The following SYNE1 variants were observed in gnomAD, a reference collection of about 807,000 sequenced individuals.
SYNE1 encodes the protein spectrin repeat containing nuclear envelope protein 1.
Under a neutral mutation model 1,111.0 loss-of-function variants are expected in SYNE1, and 616 were observed. The observed-to-expected ratio is 0.55, with a 90% CI of 0.52 to 0.59. The LOEUF (loss-of-function observed/expected upper bound fraction) is 0.59, where lower values mean the gene tolerates loss of function less well. SYNE1 is among the 20% of genes least tolerant of loss of function. The probability of loss-of-function intolerance (pLI) is 0.00; values close to 1 mark genes in which losing one functional copy is unlikely to be tolerated. For missense variants in SYNE1, 10,006 were observed against 10,417.0 expected (o/e 0.96, Z 1.72); for synonymous variants, 3,855 against 3,825.8 (o/e 1.01, Z -0.28).
intron 4 of SYNE1, among the ~76,000 whole-genome samples, chr6:152,531,997 T>G (rs941342298): frequency 6.6e-6 from 1 of 152,224 alleles, no homozygotes; most frequent in East Asian, 1.9e-4. Flanking sequence ...CTGCTTTCAA[T>G]TTTTGTAGAT....
Position 152,458,754 on chromosome 6 carries a change from C to T in SYNE1, c.2568+3G>A, listed in dbSNP as rs886044477. ...ATTGTCTCCTGAAAAGGATTGTTCT[C>T]ACCTGATGTTTTTGTTTAAAAAGGG... On this transcript the variant is annotated splice_donor_region_variant and intron_variant, in intron 22 of 145. Coordinates refer to ENST00000367255, the MANE Select transcript of SYNE1 (RefSeq NM_182961.4). 4 of 1,613,938 alleles carry T rather than the reference C, an allele frequency of 2.5e-6. No individual in the cohort carries two copies. The highest frequency in any genetic ancestry group is 2.2e-5 in the South Asian group (2 of 91,072).
At chr6:152,481,104 T>C (rs2098893099) in intron 14 of SYNE1, 1 of 224,226 alleles carries the variant, frequency 4.5e-6, no homozygotes, top group Non-Finnish European at 9.0e-6. Context: ...ATAGTGTGCC[T>C]TGAATTAATA....
chr6:152,261,339 T>C (rs1385935116), intron 101 of SYNE1, among the ~76,000 whole-genome samples: 2 of 152,194 alleles, frequency 1.3e-5, no homozygotes, highest in Non-Finnish European at 2.9e-5. Context: ...TCATTTGCCC[T>C]CTAACTTTCT....
chr6:152,159,436 G>T lies in SYNE1; in HGVS notation c.23791-3339C>A, dbSNP rs567510958. ...CCACTGGTGTACAGGACTTTTTAAA[G>T]TCTTAATTTAAAATTTAATTAAAAA... On this transcript the variant is annotated intron_variant, in intron 131 of 145. Transcript: ENST00000367255. Among the ~76,000 whole-genome samples the T allele has an allele frequency of 1.8e-3, 268 of 152,150 alleles. 1 individual carries two copies. Among genetic ancestry groups the T allele is most frequent in the African/African-American group, 5.8e-3 (241 of 41,520 alleles).
chr6:152,510,921 G>A (rs921113218), intron 7 of SYNE1, 90 bp downstream of exon 7: 1 of 1,174,060 alleles, frequency 8.5e-7, no homozygotes, highest in Non-Finnish European at 1.3e-6. Flanking sequence ...CAACCCCAAA[G>A]ATATGGCAAA....
At chr6:152,168,257 C>A (rs918318996) in intron 130 of SYNE1, 5 of 668,684 alleles carry the variant, frequency 7.5e-6, no homozygotes, top group African/African-American at 3.6e-5. Context: ...CTATATCCTG[C>A]GTGGGGATGA....
chr6:152,338,891 G>A (rs757364087), intron 75 of SYNE1, among the ~76,000 whole-genome samples: 1 of 152,052 alleles, frequency 6.6e-6, no homozygotes, highest in Non-Finnish European at 1.5e-5. Flanking sequence ...TTCATATTAA[G>A]TATTGCCTAA....
At chr6:152,516,098 T>C (rs1463460804) in intron 6 of SYNE1, among the ~76,000 whole-genome samples, 1 of 152,216 alleles carries the variant, frequency 6.6e-6, no homozygotes, top group Non-Finnish European at 1.5e-5. Flanking sequence ...TAAAGATCAA[T>C]GCTAAGATAA....
chr6:152,522,545 T>C (rs550493262), intron 5 of SYNE1, among the ~76,000 whole-genome samples: 13 of 152,248 alleles, frequency 8.5e-5, no homozygotes, highest in African/African-American at 2.9e-4. Flanking sequence ...TTTGAAATAA[T>C]GACTTCTTTT....
chr6:152,153,151 T>C lies in SYNE1; in HGVS notation c.24130-1010A>G, dbSNP rs138144032. On this transcript the variant is annotated intron_variant, in intron 133 of 145. Coordinates refer to ENST00000367255, the MANE Select transcript of SYNE1 (RefSeq NM_182961.4). ...TACATGTGACCACATTTCTGTCTCT[T>C]AAATTGCTTTCCTTGTGAGAGCTGC... Among the ~76,000 whole-genome samples, 592 of 152,356 alleles carry C rather than the reference T, an allele frequency of 3.9e-3. 5 individuals carry two copies. Among genetic ancestry groups the C allele is most frequent in the African/African-American group, 0.014 (567 of 41,588 alleles).
intron 3 of SYNE1, among the ~76,000 whole-genome samples, chr6:152,605,010 G>GAA (rs1565140105): frequency 5.9e-4 from 21 of 35,364 alleles, no homozygotes; most frequent in African/African-American, 9.5e-4. Flanking sequence ...GAAAGAAAGA[G>GAA]AGAGAGAGAG....
chr6:152,442,167 GC>G lies in SYNE1; in HGVS notation c.3915del (p.Leu1306CysfsTer34), dbSNP rs761965031. ...AGCTCCTCGTGGCCTCGGTCAGGCAGCCCCCCTTCTCCCTGCTGCGCCTGCG... is the reference window on the plus strand; with the variant it reads ...AGCTCCTCGTGGCCTCGGTCAGGCAGCCCCCTTCTCCCTGCTGCGCCTGCG... ...QIAQAQQGEG[G>X]LPDRGHEELR... On this transcript the variant is annotated frameshift_variant, in exon 31 of 146. Transcript: ENST00000367255. LOFTEE classifies it high-confidence loss of function. The G allele has an allele frequency of 6.2e-7, 1 of 1,613,762 alleles. No homozygotes were observed. The highest frequency in any genetic ancestry group is 8.5e-7 in the Non-Finnish European group (1 of 1,180,042).
rs575899698 is a variant in SYNE1 at position 152,443,681 on chromosome 6, TACAC to T, written c.3837+726_3837+729del. ...TATTACAGAATATATATGTATATAA[TACAC>T]ACACAAACATATTATATAAATTAGC... On this transcript the variant is annotated intron_variant, in intron 30 of 145. Transcript: ENST00000367255. Among the ~76,000 whole-genome samples the T allele has an allele frequency of 3.3e-5, 5 of 152,176 alleles. No individual in the cohort carries two copies. The South Asian group carries it at 8.3e-4, about 25-fold the overall frequency.
chr6:152,590,854 C>T (rs1359884652), intron 3 of SYNE1, among the ~76,000 whole-genome samples: 1 of 152,096 alleles, frequency 6.6e-6, no homozygotes, highest in African/African-American at 2.4e-5. Context: ...CTTAAGATTG[C>T]TTTGACTATT....
At chr6:152,150,133 C>T (rs961708751) in intron 135 of SYNE1, among the ~76,000 whole-genome samples, 2 of 152,186 alleles carry the variant, frequency 1.3e-5, no homozygotes, top group African/African-American at 4.8e-5. Context: ...CAATGCCACG[C>T]CTTCTTCTCA....
chr6:152,135,398 G>A (rs916188245), intron 141 of SYNE1, among the ~76,000 whole-genome samples, 166 bp from the exon 142 acceptor site: 1 of 152,212 alleles, frequency 6.6e-6, no homozygotes, highest in Non-Finnish European at 1.5e-5. Context: ...CTGATCGTGA[G>A]TTCACGTTCT....
chr6:152,477,754 T>C (rs2098843728), intron 14 of SYNE1, among the ~76,000 whole-genome samples: 1 of 152,148 alleles, frequency 6.6e-6, no homozygotes, highest in Non-Finnish European at 1.5e-5. Flanking sequence ...GCTCAACAGA[T>C]ATTTGTTGAA....
intron 73 of SYNE1, among the ~76,000 whole-genome samples, chr6:152,345,920 T>C (rs2096621059): frequency 1.3e-5 from 2 of 152,220 alleles, no homozygotes; most frequent in South Asian, 4.1e-4. Flanking sequence ...AGTTACTCGT[T>C]TCTCAAATTC....
rs77091623 is a variant in SYNE1 at position 152,517,821 on chromosome 6, A to G, written c.309+2638T>C. On this transcript the variant is annotated intron_variant, in intron 6 of 145. Coordinates refer to ENST00000367255, the MANE Select transcript of SYNE1 (RefSeq NM_182961.4). ...AAAAAATGCAAAATGTATGTCAGAA[A>G]CTAGAGAGACTGGTTATCTAAAGGT... 6.5e-3 allele frequency among the ~76,000 whole-genome samples: 988 copies of G among 152,312 alleles called. 13 individuals carry two copies. The highest frequency in any genetic ancestry group is 0.023 in the African/African-American group (940 of 41,570).
Sources: allele counts gnomAD v4.1 joint callset (sites outside exome capture counted in the v4.1 genomes callset), GRCh38; gene constraint gnomAD v4.1.1; transcripts MANE v1.5; gene names NCBI Gene and HGNC (gene_info 2026-07-23, HGNC 2026-07-21).